Variants in DMD observed in about 807,000 individuals in gnomAD.
DMD encodes dystrophin, also known as mutant dystrophin.
A neutral mutation model predicts 330.1 loss-of-function variants in DMD; 63 were observed. The ratio of observed to expected loss-of-function variants is 0.19; its 90% CI spans 0.16 to 0.24. The LOEUF (loss-of-function observed/expected upper bound fraction) is 0.24. Among genes scored for constraint, DMD ranks in the 10% least tolerant of loss-of-function variants. DMD has a pLI of 1.00. For synonymous variants in DMD, 1,223 were observed against 959.8 expected (o/e 1.27, Z -5.07); for missense variants, 3,344 against 2,684.1 (o/e 1.25, Z -5.43).
intron 20 of DMD, among the ~76,000 whole-genome samples, chrX:32,486,510 C>G (rs1471035038): frequency 9.0e-6 from 1 of 110,698 alleles, no homozygotes. Context: ...CTTTAAAGTT[C>G]ATATGGAACC....
At chrX:32,220,030 G>GT (rs2097127012) in intron 43 of DMD, among the ~76,000 whole-genome samples, 1 of 111,324 alleles carries the variant, frequency 9.0e-6, no homozygotes, top group Non-Finnish European at 1.9e-5. Context: ...CTTGCTCATG[G>GT]TATCCGTAGC....
chrX:32,389,439 C>A (rs2097985078), intron 32 of DMD, 62 bp downstream of exon 32: 2 of 1,055,936 alleles, frequency 1.9e-6, no homozygotes, highest in East Asian at 3.0e-5. Flanking sequence ...TATAAAAGAG[C>A]AGTTACTTCT....
At chrX:33,135,329 C>T (rs923622288) in intron 1 of DMD, among the ~76,000 whole-genome samples, 5 of 111,837 alleles carry the variant, frequency 4.5e-5, no homozygotes, top group Non-Finnish European at 7.5e-5. Flanking sequence ...TGATATATAC[C>T]CCACTAACGT....
At position 33,157,983 on chromosome X, in the gene DMD, A is replaced by C. The variant is rs145205574; in HGVS notation, c.31+53299T>G. On this transcript the variant is annotated intron_variant, in intron 1 of 78. Transcript: ENST00000357033. ...AAAAAAAGAAAGTAAATTAGAGAGA[A>C]GCTAAAGAGTAAATCAGGCAGGATT... is the stretch of plus-strand genomic sequence containing the variant. 2.8e-3 allele frequency among the ~76,000 whole-genome samples: 315 copies of C among 112,008 alleles called. 1 individual carries two copies. Among genetic ancestry groups the C allele is most frequent in the African/African-American group, 9.7e-3 (299 of 30,869 alleles).
chrX:31,352,643 G>T, intron 60 of DMD, among the ~76,000 whole-genome samples: 1 of 111,994 alleles, frequency 8.9e-6, no homozygotes, highest in East Asian at 2.8e-4. Flanking sequence ...AGATCAAAGT[G>T]AATTTCCATC....
At chrX:33,221,501 C>T (rs1158624741) in intron 1 of DMD, among the ~76,000 whole-genome samples, 1 of 111,252 alleles carries the variant, frequency 9.0e-6, no homozygotes, top group Non-Finnish European at 1.9e-5. Context: ...TCAAAGTTCT[C>T]ATCTCAAGAA....
chrX:31,779,790 CATA>C (rs1227581289), intron 50 of DMD, among the ~76,000 whole-genome samples: 7 of 110,344 alleles, frequency 6.3e-5, no homozygotes, highest in African/African-American at 2.3e-4. Context: ...TACTATGTAG[CATA>C]ATACCTTTCT....
intron 55 of DMD, among the ~76,000 whole-genome samples, chrX:31,606,892 A>G (rs2077637902): frequency 8.9e-6 from 1 of 111,896 alleles, no homozygotes; most frequent in Non-Finnish European, 1.9e-5. Flanking sequence ...AAATCTCTGG[A>G]AGAGAGCATT....
chrX:31,939,525 C>T (rs978715671), intron 45 of DMD, among the ~76,000 whole-genome samples: 2 of 111,691 alleles, frequency 1.8e-5, no homozygotes, highest in East Asian at 2.8e-4. Flanking sequence ...TACGTGAACA[C>T]GGGCGAGTTC....
At chrX:31,180,948 A>G (rs1039511573) in intron 68 of DMD, among the ~76,000 whole-genome samples, 15 of 112,403 alleles carry the variant, frequency 1.3e-4, no homozygotes, top group East Asian at 5.6e-4. Context: ...AAATGTGAAC[A>G]AGAACTTTCA....
chrX:32,878,980 C>G (rs1424267549), intron 2 of DMD, among the ~76,000 whole-genome samples: 1 of 98,251 alleles, frequency 1.0e-5, no homozygotes, highest in Non-Finnish European at 2.1e-5. Flanking sequence ...TGCACTCTAG[C>G]CTAGGCGACA....
intron 67 of DMD, among the ~76,000 whole-genome samples, chrX:31,193,792 C>CA (rs2042616831): frequency 9.0e-6 from 1 of 110,878 alleles, no homozygotes; most frequent in African/African-American, 3.3e-5. Context: ...GTCTTTTGGC[C>CA]AAAAAATGTT....
intron 54 of DMD, among the ~76,000 whole-genome samples, chrX:31,647,882 C>T (rs983012933): frequency 1.8e-5 from 2 of 112,114 alleles, no homozygotes; most frequent in Non-Finnish European, 3.8e-5. Context: ...ACAACTACTG[C>T]TTTGAATGGG....
chrX:33,089,584 G>T (rs143707738), intron 1 of DMD, among the ~76,000 whole-genome samples: 1 of 110,536 alleles, frequency 9.0e-6, no homozygotes, highest in East Asian at 2.8e-4. Flanking sequence ...TGTGACTCTC[G>T]GAAAAATTTT....
At chrX:32,393,596 T>C (rs989088312) in intron 30 of DMD, among the ~76,000 whole-genome samples, 2 of 111,507 alleles carry the variant, frequency 1.8e-5, no homozygotes, top group African/African-American at 6.5e-5. Flanking sequence ...TATGTGTGTC[T>C]GTACAGAGAG....
rs151129300 is a variant in DMD, at chrX:32,341,101, C to G, written c.5922+999G>C. Among the ~76,000 whole-genome samples the G allele has an allele frequency of 3.2e-3, 354 of 111,858 alleles. 11 individuals are homozygous for G. The East Asian group carries it at 0.084, about 26-fold the overall frequency. ...TACACCAAATTAAATGGAACTGACA[C>G]TATCACAGAAGAAGTTCCCAAGAAG... On this transcript the variant is annotated intron_variant, in intron 41 of 78. Transcript: ENST00000357033.
intron 49 of DMD, among the ~76,000 whole-genome samples, chrX:31,835,167 ATC>A (rs920575072): frequency 9.0e-6 from 1 of 111,180 alleles, no homozygotes. Flanking sequence ...TTTAATTAAG[ATC>A]TCTCTCTCTC....
intron 70 of DMD, 147 bp from the exon 71 acceptor site, chrX:31,178,117 A>C: frequency 9.0e-7 from 1 of 1,114,333 alleles, no homozygotes; most frequent in Non-Finnish European, 1.2e-6. Context: ...AAGTGAATTA[A>C]AAGAAAAACA....
chrX:31,431,587 G>C (rs1411747644), intron 60 of DMD, among the ~76,000 whole-genome samples: 2 of 109,958 alleles, frequency 1.8e-5, no homozygotes, highest in African/African-American at 6.6e-5. Context: ...AGTAGAGATG[G>C]GGTTTCTCCA....
Sources: allele counts gnomAD v4.1 joint callset (sites outside exome capture counted in the v4.1 genomes callset), GRCh38; gene constraint gnomAD v4.1.1; transcripts MANE v1.5; gene names NCBI Gene and HGNC (gene_info 2026-07-23, HGNC 2026-07-21).